The following ZKSCAN4 variants were observed in gnomAD, a reference collection of about 807,000 sequenced individuals.
ZKSCAN4 encodes the protein zinc finger with KRAB and SCAN domains 4.
ZKSCAN4 carries 23 observed loss-of-function variants against 30.8 expected under a neutral mutation model. That is an observed-to-expected ratio of 0.75 (90% CI 0.54 to 1.06). ZKSCAN4 has a LOEUF of 1.06. Among genes scored for constraint, ZKSCAN4 ranks in the 50% least tolerant of loss-of-function variants. The probability of loss-of-function intolerance (pLI) is 0.00; values close to 1 mark genes in which losing one functional copy is unlikely to be tolerated. For synonymous variants in ZKSCAN4, 208 were observed against 252.5 expected, an observed-to-expected ratio of 0.82 and a Z score of 1.67; for missense variants, 556 against 665.4, an observed-to-expected ratio of 0.84 and a Z score of 1.81.
intron 2 of ZKSCAN4, 129 bp from the exon 3 acceptor site, chr6:28,248,278 A>C (rs1760828935): frequency 4.7e-6 from 3 of 643,856 alleles, no homozygotes; most frequent in Non-Finnish European, 5.4e-6. Flanking sequence ...GTTCCTTTCA[A>C]AAATGCCTGA....
chr6:28,246,947 C>T, intron 4 of ZKSCAN4, 22 bp downstream of exon 4: 1 of 1,592,974 alleles, frequency 6.3e-7, no homozygotes, highest in Non-Finnish European at 8.5e-7. Flanking sequence ...AATCTTAAGA[C>T]AAATTAGTGT....
At position 28,243,775 on chromosome 6, in the gene ZKSCAN4, C is replaced by G. The variant is rs1339513624; in HGVS notation, c.*1341G>C. 1.3e-5 allele frequency among the ~76,000 whole-genome samples: 2 copies of G among 152,044 alleles called. No homozygotes were observed. The highest frequency in any genetic ancestry group is 1.3e-4 in the Admixed American group (2 of 15,258). ...CACCTCCCAGTTTCAAGCAACTCTCCTACCTCAGCCTCCCAAGTAGCAGGG... is the reference window on the plus strand; with the variant it reads ...CACCTCCCAGTTTCAAGCAACTCTCGTACCTCAGCCTCCCAAGTAGCAGGG... On this transcript the variant is annotated 3_prime_UTR_variant, in exon 5 of 5. Coordinates refer to ENST00000377294, the MANE Select transcript of ZKSCAN4 (RefSeq NM_019110.5).
upstream of ZKSCAN4, among the ~76,000 whole-genome samples, chr6:28,255,448 A>G (rs540017339): frequency 6.6e-6 from 1 of 152,188 alleles, no homozygotes; most frequent in Non-Finnish European, 1.5e-5. Flanking sequence ...CCTGAAATAG[A>G]GTGGGATTTT....
In ZKSCAN4 at chr6:28,244,355, T is replaced by A. The variant is rs1050295372; in HGVS notation, c.*761A>T. ...CCCCTAAAGAGTAGCAAAATTAATG[T>A]AAACTAACATAATTAACATTGACCA... is the stretch of plus-strand genomic sequence containing the variant. On this transcript the variant is annotated 3_prime_UTR_variant, in exon 5 of 5. Transcript: ENST00000377294. Among the ~76,000 whole-genome samples the A allele has an allele frequency of 2.0e-5, 3 of 152,200 alleles. No individual in the cohort carries two copies. The highest frequency in any genetic ancestry group is 7.2e-5 in the African/African-American group (3 of 41,448).
chr6:28,243,666 T>G lies in ZKSCAN4; in HGVS notation c.*1450A>C, dbSNP rs1171806385. 6.8e-6 allele frequency among the ~76,000 whole-genome samples: 1 copy of G among 147,910 alleles called. No homozygotes were observed. Among genetic ancestry groups the G allele is most frequent in the Non-Finnish European group, 1.5e-5 (1 of 67,414 alleles). On this transcript the variant is annotated 3_prime_UTR_variant, in exon 5 of 5. Transcript: ENST00000377294. ...TCTGAACAGACACATTTTCTTTTCT[T>G]TTTTTTTTTTCTTTTTGAGACAGAG...
upstream of ZKSCAN4, among the ~76,000 whole-genome samples, chr6:28,256,478 A>G (rs1761178961): frequency 6.6e-6 from 1 of 152,230 alleles, no homozygotes; most frequent in African/African-American, 2.4e-5. Flanking sequence ...TTTATGAAAA[A>G]CAATTTTGAG....
the ZKSCAN4 span, among the ~76,000 whole-genome samples, chr6:28,258,027 C>A: frequency 6.6e-6 from 1 of 152,176 alleles, no homozygotes; most frequent in Non-Finnish European, 1.5e-5. Flanking sequence ...ATATAATACT[C>A]CCTGCTGTTT....
At chr6:28,256,508 A>G (rs766721706), upstream of ZKSCAN4, among the ~76,000 whole-genome samples, 36 of 152,362 alleles carry the variant, frequency 2.4e-4, no homozygotes, top group African/African-American at 7.7e-4. Flanking sequence ...GAAAGGTAGT[A>G]AAAGGTTACC....
At position 28,247,175 on chromosome 6, in the gene ZKSCAN4, CT is replaced by C. The variant is rs1455461304; in HGVS notation, c.655-84del. ...AGAATGAACATCCCCTTTAAAGAGG[CT>C]CTTTAAAAAGGAGCAAGTGTGGCAC... On this transcript the variant is annotated intron_variant, in intron 3 of 4. Coordinates refer to ENST00000377294, the MANE Select transcript of ZKSCAN4 (RefSeq NM_019110.5). 1.3e-5 allele frequency: 19 copies of C among 1,446,568 alleles called. No individual in the cohort carries two copies. In the East Asian group the frequency reaches 2.9e-4, roughly 22 times the overall value. The allele number at this position is 1,446,568 out of a possible 1,614,324, so 89.6% of individuals were successfully genotyped here. A position where few individuals can be genotyped will look rare whatever the true frequency, so the allele number is the denominator to read the frequency against.
At chr6:28,252,736 C>T (rs952935523), upstream of ZKSCAN4, among the ~76,000 whole-genome samples, 1 of 152,096 alleles carries the variant, frequency 6.6e-6, no homozygotes, top group African/African-American at 2.4e-5. Context: ...GGCCAGACTA[C>T]TCCTCCCGAC....
intron 1 of ZKSCAN4, among the ~76,000 whole-genome samples, chr6:28,250,548 ATAC>A (rs1760952792): frequency 6.6e-6 from 1 of 151,696 alleles, no homozygotes; most frequent in Non-Finnish European, 1.5e-5. Flanking sequence ...TAAATTCTCA[ATAC>A]TAATATATTT....
chr6:28,248,347 A>G (rs942194280), intron 2 of ZKSCAN4, among the ~76,000 whole-genome samples, 198 bp from the exon 3 acceptor site: 5 of 152,232 alleles, frequency 3.3e-5, no homozygotes, highest in African/African-American at 1.2e-4. Flanking sequence ...CAGATATACA[A>G]AAACCACGTG....
rs1186043195 is a variant in ZKSCAN4 at position 28,243,126 on chromosome 6, A to T, written c.*1990T>A. Among the ~76,000 whole-genome samples, 1 of 152,224 alleles carries T rather than the reference A, an allele frequency of 6.6e-6. No homozygotes were observed. Among genetic ancestry groups the T allele is most frequent in the Non-Finnish European group, 1.5e-5 (1 of 68,038 alleles). ...AAATGGCTAGCTTTGTGGAAATAAC[A>T]TAAATAAAGCTGATTTTAAAGAAAT... On this transcript the variant is annotated 3_prime_UTR_variant, in exon 5 of 5. Transcript: ENST00000377294.
upstream of ZKSCAN4, among the ~76,000 whole-genome samples, chr6:28,252,555 G>T (rs1761054425): frequency 6.6e-6 from 1 of 152,118 alleles, no homozygotes; most frequent in Admixed American, 6.5e-5. Flanking sequence ...GAGCTGGAAA[G>T]CAGGGGTTCC....
intron 4 of ZKSCAN4, 43 bp from the exon 5 acceptor site, chr6:28,246,018 A>G (rs1277571764): frequency 6.2e-7 from 1 of 1,613,720 alleles, no homozygotes; most frequent in Non-Finnish European, 8.5e-7. Flanking sequence ...ATGCCCTGCC[A>G]TGGGAGGAAA....
intron 1 of ZKSCAN4, among the ~76,000 whole-genome samples, chr6:28,250,053 G>T (rs115815993): frequency 0.037 from 5,575 of 149,536 alleles, 137 homozygotes; most frequent in African/African-American, 0.057. Flanking sequence ...CATTTTTTTT[G>T]TTGTTGTTGG....
intron 4 of ZKSCAN4, among the ~76,000 whole-genome samples, chr6:28,246,452 C>G (rs1760737312): frequency 6.6e-6 from 1 of 152,090 alleles, no homozygotes; most frequent in South Asian, 2.1e-4. Context: ...AGGCAAAGTT[C>G]TCAAACAGAA....
rs183108097 is a variant in ZKSCAN4, at chr6:28,241,752, T to C, written c.*3364A>G. Among the ~76,000 whole-genome samples the C allele has an allele frequency of 1.3e-5, 2 of 152,298 alleles. No homozygotes were observed. Among genetic ancestry groups the C allele is most frequent in the African/African-American group, 4.8e-5 (2 of 41,580 alleles). The stretch of plus-strand genomic sequence containing the variant: ...TTATTAAACAATTATAATTCCTTTA[T>C]TTGGAGGTTTCCATTAACAAAGTGT... On this transcript the variant is annotated 3_prime_UTR_variant, in exon 5 of 5. Transcript: ENST00000377294.
chr6:28,248,172 A>C, intron 2 of ZKSCAN4, 23 bp from the exon 3 acceptor site: 1 of 1,596,128 alleles, frequency 6.3e-7, no homozygotes, highest in Non-Finnish European at 8.6e-7. Context: ...GAAGCTCTGG[A>C]TGAGAACTAC....
Sources: gnomAD v4.1 joint callset for allele counts (sites outside exome capture counted in the v4.1 genomes callset) on GRCh38, gnomAD v4.1.1 for gene constraint, MANE v1.5 for transcripts, NCBI Gene and HGNC (gene_info 2026-07-23, HGNC 2026-07-21) for gene names.